The following SRD5A2 variants were observed in gnomAD, a reference collection of about 807,000 sequenced individuals.
The protein encoded by SRD5A2 is steroid 5 alpha-reductase 2.
SRD5A2 carries 30 observed loss-of-function variants against 27.4 expected under a neutral mutation model. The observed-to-expected ratio is 1.10, with a 90% CI of 0.82 to 1.49. SRD5A2 has a LOEUF of 1.49. Ranked by LOEUF, SRD5A2 falls within the 40% of genes most tolerant of loss-of-function variation. The pLI is 0.00. For synonymous variants in SRD5A2, 141 were observed against 133.6 expected (o/e 1.06, Z -0.38); for missense variants, 348 against 323.4 (o/e 1.08, Z -0.58).
chr2:31,631,006 G>C, the SRD5A2 span, among the ~76,000 whole-genome samples: 6 of 152,184 alleles, frequency 3.9e-5, no homozygotes, highest in Non-Finnish European at 5.9e-5. Context: ...CTGCTCAAAC[G>C]TGCGTGCAAG....
chr2:31,568,268 G>T (rs1208908831), intron 1 of SRD5A2, among the ~76,000 whole-genome samples: 1 of 152,144 alleles, frequency 6.6e-6, no homozygotes, highest in East Asian at 1.9e-4. Flanking sequence ...TGACAAGCAG[G>T]GGGGCATGTT....
At chr2:31,526,597 G>C (rs1421789739) in intron 4 of SRD5A2, among the ~76,000 whole-genome samples, 1 of 152,084 alleles carries the variant, frequency 6.6e-6, no homozygotes, top group Non-Finnish European at 1.5e-5. Context: ...AAAAAATGTA[G>C]TATCTAGAAG....
the SRD5A2 span, among the ~76,000 whole-genome samples, chr2:31,625,550 A>G: frequency 2.6e-5 from 4 of 152,174 alleles, no homozygotes; most frequent in African/African-American, 9.7e-5. Context: ...AAGTGTAAGG[A>G]AGGGACATAG....
the SRD5A2 span, among the ~76,000 whole-genome samples, chr2:31,639,142 G>T: frequency 0.41 from 62,642 of 151,782 alleles, 13,117 homozygotes; most frequent in Non-Finnish European, 0.43. Context: ...ATTTTAAAGA[G>T]ATGACAACTT....
At chr2:31,646,741 A>G in the SRD5A2 span, among the ~76,000 whole-genome samples, 5 of 152,196 alleles carry the variant, frequency 3.3e-5, no homozygotes, top group African/African-American at 1.2e-4. Context: ...TTAAAAAAAA[A>G]TGAGGTTAGA....
At chr2:31,570,614 T>C (rs1018710769) in intron 1 of SRD5A2, among the ~76,000 whole-genome samples, 1 of 152,232 alleles carries the variant, frequency 6.6e-6, no homozygotes, top group Non-Finnish European at 1.5e-5. Context: ...TGTGATTCTA[T>C]ACCTGGAACA....
At chr2:31,531,572 T>TTCCAAAAAATGAAGGGAAGGGCATTTAAG in intron 2 of SRD5A2, 100 bp from the exon 3 acceptor site, 1 of 776,434 alleles carries the variant, frequency 1.3e-6, no homozygotes, top group Non-Finnish European at 2.1e-6. Context: ...GGGCATTTAA[T>TTCCAAAAAATGAAGGGAAGGGCATTTAAG]TTCTAAATCT....
At chr2:31,534,705 C>A (rs761251008) in intron 1 of SRD5A2, among the ~76,000 whole-genome samples, 31 of 152,180 alleles carry the variant, frequency 2.0e-4, no homozygotes, top group African/African-American at 2.4e-5. Context: ...CTTTTGCAGA[C>A]AAGAAAGAGC....
At chr2:31,575,119 G>T (rs1403444662) in intron 1 of SRD5A2, among the ~76,000 whole-genome samples, 1 of 151,992 alleles carries the variant, frequency 6.6e-6, no homozygotes, top group African/African-American at 2.4e-5. Context: ...TTCTTGCTTG[G>T]GCTTTTTTTT....
the SRD5A2 span, among the ~76,000 whole-genome samples, chr2:31,622,199 T>G: frequency 6.6e-6 from 1 of 152,048 alleles, no homozygotes; most frequent in East Asian, 1.9e-4. Context: ...CAGCTCCCAC[T>G]TATAAGTGAG....
chr2:31,616,875 C>T, the SRD5A2 span, among the ~76,000 whole-genome samples: 4 of 152,104 alleles, frequency 2.6e-5, no homozygotes, highest in Non-Finnish European at 4.4e-5. Flanking sequence ...TGTGTCCTCA[C>T]CCAAACCTTA....
At chr2:31,532,361 TCA>T (rs35752905) in intron 2 of SRD5A2, among the ~76,000 whole-genome samples, 26,674 of 143,028 alleles carry the variant, frequency 0.19, 2,323 homozygotes, top group Middle Eastern at 0.26. Context: ...CACTGCCAGT[TCA>T]CACACACACA....
chr2:31,623,273 C>A, the SRD5A2 span, among the ~76,000 whole-genome samples: 2 of 152,004 alleles, frequency 1.3e-5, no homozygotes, highest in African/African-American at 4.8e-5. Context: ...AACATCATTT[C>A]CATACTCTAA....
At chr2:31,632,885 T>A in the SRD5A2 span, among the ~76,000 whole-genome samples, 1 of 152,130 alleles carries the variant, frequency 6.6e-6, no homozygotes, top group African/African-American at 2.4e-5. Flanking sequence ...CATGCTTACC[T>A]AGTCCTCCAT....
intron 1 of SRD5A2, among the ~76,000 whole-genome samples, chr2:31,570,875 G>T (rs908805173): frequency 1.3e-5 from 2 of 152,080 alleles, no homozygotes; most frequent in Non-Finnish European, 2.9e-5. Context: ...AGAAATCAGA[G>T]ATGACACAAA....
intron 1 of SRD5A2, among the ~76,000 whole-genome samples, chr2:31,566,852 ATAAT>A (rs1271849483): frequency 1.3e-5 from 2 of 152,232 alleles, no homozygotes; most frequent in African/African-American, 4.8e-5. Context: ...TAGGAGTTAA[ATAAT>A]TAAATACTTT....
chr2:31,619,461 T>C, the SRD5A2 span, among the ~76,000 whole-genome samples: 2 of 152,152 alleles, frequency 1.3e-5, no homozygotes, highest in South Asian at 4.1e-4. Flanking sequence ...TATCCGGTAA[T>C]GGGATTTCTG....
chr2:31,584,689 T>A (rs1012193531), upstream of SRD5A2, among the ~76,000 whole-genome samples: 1 of 152,040 alleles, frequency 6.6e-6, no homozygotes, highest in African/African-American at 2.4e-5. Flanking sequence ...ATAGCAAAAA[T>A]ATCCAAACAG....
chr2:31,545,474 A>G (rs1666228948), intron 1 of SRD5A2, among the ~76,000 whole-genome samples: 1 of 152,154 alleles, frequency 6.6e-6, no homozygotes, highest in Non-Finnish European at 1.5e-5. Flanking sequence ...TACAGAGGGT[A>G]AAACACGTGG....
Sources: gnomAD v4.1 joint callset for allele counts (sites outside exome capture counted in the v4.1 genomes callset) on GRCh38, gnomAD v4.1.1 for gene constraint, MANE v1.5 for transcripts, NCBI Gene and HGNC (gene_info 2026-07-23, HGNC 2026-07-21) for gene names.